Variants in PALM3 observed in about 807,000 individuals in gnomAD.
The protein encoded by PALM3 is paralemmin-3.
Under a neutral mutation model 27.9 loss-of-function variants are expected in PALM3, and 20 were observed. That is an observed-to-expected ratio of 0.72 (90% CI 0.50 to 1.04). The LOEUF (loss-of-function observed/expected upper bound fraction) is 1.04. Ranked by LOEUF, PALM3 falls within the 50% of genes least tolerant of loss-of-function variation. PALM3 has a pLI of 0.00. For synonymous variants in PALM3, 328 were observed against 352.7 expected (o/e 0.93, Z 0.79); for missense variants, 814 against 869.4 (o/e 0.94, Z 0.80).
intron 1 of PALM3, among the ~76,000 whole-genome samples, chr19:14,060,849 T>C (rs1976402898): frequency 6.6e-6 from 1 of 152,034 alleles, no homozygotes; most frequent in East Asian, 1.9e-4. Context: ...CAACCCCCGC[T>C]TCCTGGGTTC....
rs1333002476 is a variant in PALM3 at position 14,060,153 on chromosome 19, C to T, written c.42-990G>A. ...TGCCTGTCATCTCCACCGGCATGGA[C>T]GGGCGCTGATCAAACCCTCAAACAT... On this transcript the variant is annotated intron_variant, in intron 1 of 6. Transcript: ENST00000669674. Among the ~76,000 whole-genome samples the T allele has an allele frequency of 2.6e-5, 4 of 152,072 alleles. No homozygotes were observed. In the East Asian group the frequency reaches 5.8e-4, roughly 22 times the overall value.
intron 3 of PALM3, 113 bp downstream of exon 3, chr19:14,057,238 C>T: frequency 1.6e-6 from 1 of 641,600 alleles, no homozygotes; most frequent in Non-Finnish European, 2.3e-6. Flanking sequence ...CCCCCAACTG[C>T]CCGCTCCCCC....
chr19:14,054,413 C>T lies in PALM3; in HGVS notation c.1259G>A (p.Gly420Glu). 1.9e-6 allele frequency: 3 copies of T among 1,551,926 alleles called. No homozygotes were observed. The African/African-American group carries it at 4.1e-5, about 21-fold the overall frequency. Residue 420 changes from glycine (G) to glutamate (E), a missense_variant, in exon 7 of 7, where the codon GGA becomes GAA. Physicochemically the swap from Gly to Glu is moderately conservative, Grantham distance 98. Coordinates refer to ENST00000669674, the MANE Select transcript of PALM3 (RefSeq NM_001145028.2). ...CCCTGTCCCTGGCTTTTCCTCACTTCCTATTCCCATGGATTCTTCCGCTTT... is the reference window on the plus strand; with the variant it reads ...CCCTGTCCCTGGCTTTTCCTCACTTTCTATTCCCATGGATTCTTCCGCTTT... ...KRKAEESMGI[G>E]SEEKPGTGRD...
Position 14,059,252 on chromosome 19 carries a change from C to T in PALM3, c.42-89G>A, listed in dbSNP as rs901390402. The T allele has an allele frequency of 3.2e-6, 4 of 1,253,274 alleles. No homozygotes were observed. The South Asian group carries it at 6.9e-5, about 22-fold the overall frequency. The allele number at this position is 1,253,274 out of a possible 1,614,324, so 77.6% of individuals were successfully genotyped here. On this transcript the variant is annotated intron_variant, in intron 1 of 6. Coordinates refer to ENST00000669674, the MANE Select transcript of PALM3 (RefSeq NM_001145028.2). ...TCCCTGAGCAGTATGGAAATTGCCC[C>T]GAGCCCAGCACTTTGCCTCTGTTTC... is the stretch of plus-strand genomic sequence containing the variant.
At position 14,054,785 on chromosome 19, in the gene PALM3, A is replaced by T; in HGVS notation, c.887T>A (p.Val296Glu). 1 of 1,470,230 alleles carries T rather than the reference A, an allele frequency of 6.8e-7. No homozygotes were observed. The allele number at this position is 1,470,230 out of a possible 1,614,324, so 91.1% of individuals were successfully genotyped here. Reference sequence around the variant, plus strand: ...CATGGCCTCTGCATCACTGCCACCCACCCCCTCCCAGACCACCTCCACGAT... The same window carrying T: ...CATGGCCTCTGCATCACTGCCACCCTCCCCCTCCCAGACCACCTCCACGAT... Reference protein sequence around the residue: ...RGIVEVVWEGVGGSDAEAMGE... With the variant: ...RGIVEVVWEGEGGSDAEAMGE... The change falls in exon 7 of 7, where the codon GTG (valine) becomes GAG (glutamate). Residue 296 changes from valine to glutamate, a missense_variant. Physicochemically the swap from Val to Glu is moderately radical, Grantham distance 121. Transcript: ENST00000669674.
Position 14,053,797 on chromosome 19 carries a change from T to C in PALM3, c.1875A>G (p.Ala625=), listed in dbSNP as rs1385053681. Residue 625 remains alanine, a synonymous_variant, in exon 7 of 7, where the codon GCA becomes GCG. Transcript: ENST00000669674. ...CGGGCTGCTCTGGGGCTGGGGTCTCTGCCAGAAGAGGTGTGGCATCCCCCA... is the reference window on the plus strand; with the variant it reads ...CGGGCTGCTCTGGGGCTGGGGTCTCCGCCAGAAGAGGTGTGGCATCCCCCA... The part of the protein sequence containing the change: ...GPLGDATPLL[A]ETPAPEQPAE... The C allele has an allele frequency of 6.5e-7, 1 of 1,545,538 alleles. No individual in the cohort carries two copies. The highest frequency in any genetic ancestry group is 2.0e-5 in the Admixed American group (1 of 50,138).
chr19:14,055,282 GA>G, intron 6 of PALM3, 56 bp from the exon 7 acceptor site: 1 of 1,526,916 alleles, frequency 6.5e-7, no homozygotes, highest in Admixed American at 2.0e-5. Context: ...GGTTAAGATG[GA>G]ACAAAAGGAC....
chr19:14,058,131 G>A (rs1568508997), intron 2 of PALM3, among the ~76,000 whole-genome samples: 1 of 151,974 alleles, frequency 6.6e-6, no homozygotes, highest in African/African-American at 2.4e-5. Context: ...AGGAGGGGAG[G>A]GTGCTAGTGA....
chr19:14,060,819 G>T (rs1007730629), intron 1 of PALM3, among the ~76,000 whole-genome samples: 5 of 152,082 alleles, frequency 3.3e-5, no homozygotes, highest in Admixed American at 2.6e-4. Context: ...GGAGTGCAAT[G>T]GCTCAATCTC....
At position 14,054,067 on chromosome 19, in the gene PALM3, C is replaced by T. The variant is rs776388121; in HGVS notation, c.1605G>A (p.Arg535=). 1.3e-5 allele frequency: 20 copies of T among 1,551,694 alleles called. No individual in the cohort carries two copies. Among genetic ancestry groups the T allele is most frequent in the Non-Finnish European group, 1.7e-5 (19 of 1,146,960 alleles). ...GGEETLEAEK[R]GGEESLETEK... is the part of the protein sequence containing the mutation. ...CTGTCTCCAATGATTCCTCACCTCC[C>T]CTTTTCTCTGCCTCCAGTGTCTCCT... The change falls in exon 7 of 7, where the codon AGG becomes AGA. Residue 535 remains arginine, a synonymous_variant. Coordinates refer to ENST00000669674, the MANE Select transcript of PALM3 (RefSeq NM_001145028.2).
At chr19:14,055,340 G>A in intron 6 of PALM3, 40 bp downstream of exon 6, 1 of 1,542,592 alleles carries the variant, frequency 6.5e-7, no homozygotes, top group Non-Finnish European at 8.7e-7. Context: ...CCAGGCTCTG[G>A]GGTGACCTGA....
chr19:14,058,318 T>A (rs1298975601), intron 2 of PALM3, among the ~76,000 whole-genome samples: 1 of 133,344 alleles, frequency 7.5e-6, no homozygotes, highest in Non-Finnish European at 1.6e-5. Context: ...AGAAGTTGAG[T>A]GCGAAGAGAT....
chr19:14,058,968 G>A, intron 2 of PALM3, 147 bp downstream of exon 2: 1 of 636,530 alleles, frequency 1.6e-6, no homozygotes, highest in African/African-American at 1.9e-5. Flanking sequence ...ACAGGAACTG[G>A]GGGGCAGAGG....
In PALM3 at chr19:14,054,785, A is replaced by AC; in HGVS notation, c.886dup (p.Val296GlyfsTer5). The AC allele has an allele frequency of 6.8e-7, 1 of 1,470,232 alleles. No homozygotes were observed. 91.1% of individuals were successfully genotyped at this position (1,470,232 alleles called of 1,614,324 possible). ...CATGGCCTCTGCATCACTGCCACCC[A>AC]CCCCCTCCCAGACCACCTCCACGAT... On this transcript the variant is annotated frameshift_variant, in exon 7 of 7. Coordinates refer to ENST00000669674, the MANE Select transcript of PALM3 (RefSeq NM_001145028.2). LOFTEE classifies it low-confidence loss of function (END_TRUNC).
Position 14,053,537 on chromosome 19 carries a change from C to T in PALM3, c.*68G>A. 1 of 1,424,722 alleles carries T rather than the reference C, an allele frequency of 7.0e-7. No individual in the cohort carries two copies. The highest frequency in any genetic ancestry group is 9.2e-7 in the Non-Finnish European group (1 of 1,087,290). 88.3% of individuals were successfully genotyped at this position (1,424,722 alleles called of 1,614,324 possible). On this transcript the variant is annotated 3_prime_UTR_variant, in exon 7 of 7. Coordinates refer to ENST00000669674, the MANE Select transcript of PALM3 (RefSeq NM_001145028.2). ...GTGGTCCCTGTCTGTGCCTGGGACC[C>T]TCTTCTGGGTGCCAAGAGGCCGAGG...
At position 14,054,819 on chromosome 19, in the gene PALM3, C is replaced by T; in HGVS notation, c.853G>A (p.Asp285Asn). 1.3e-6 allele frequency: 2 copies of T among 1,549,140 alleles called. No homozygotes were observed. The highest frequency in any genetic ancestry group is 1.7e-6 in the Non-Finnish European group (2 of 1,145,854). Reference protein sequence around the residue: ...SLELPAWVKEDRGIVEVVWEG... With the variant: ...SLELPAWVKENRGIVEVVWEG... ...CAGACCACCTCCACGATGCCCCTGT[C>T]CTCCTTCACCCAGGCCGGGAGCTCC... is the stretch of plus-strand genomic sequence containing the variant. The change falls in exon 7 of 7, where the codon GAC (aspartate) becomes AAC (asparagine). Residue 285 changes from aspartate (D) to asparagine (N), a missense_variant. By Grantham distance (23) the Asp-to-Asn change is conservative. Coordinates refer to ENST00000669674, the MANE Select transcript of PALM3 (RefSeq NM_001145028.2).
Position 14,053,841 on chromosome 19 carries a change from C to T in PALM3, c.1831G>A (p.Ala611Thr), listed in dbSNP as rs1411220672. The T allele has an allele frequency of 3.2e-6, 5 of 1,550,874 alleles. No homozygotes were observed. The African/African-American group carries it at 5.5e-5, about 17-fold the overall frequency. The change falls in exon 7 of 7, where the codon GCT becomes ACT. Residue 611 changes from alanine (A) to threonine (T), a missense_variant. By Grantham distance (58) the Ala-to-Thr change is moderately conservative (BLOSUM62 0). Transcript: ENST00000669674. ...EEEGVKPQTA[A>T]EGQGPLGDAT... ...TCCCCCAAGGGGCCTTGGCCCTCAG[C>T]AGCGGTTTGGGGCTTCACTCCTTCC...
At position 14,054,144 on chromosome 19, in the gene PALM3, C is replaced by T; in HGVS notation, c.1528G>A (p.Glu510Lys). The T allele has an allele frequency of 1.3e-6, 2 of 1,551,680 alleles. No individual in the cohort carries two copies. The highest frequency in any genetic ancestry group is 1.7e-6 in the Non-Finnish European group (2 of 1,146,972). Residue 510 changes from glutamate (E) to lysine (K), a missense_variant, in exon 7 of 7, where the codon GAA becomes AAA. Physicochemically the swap from Glu to Lys is moderately conservative, Grantham distance 56 (BLOSUM62 1). Coordinates refer to ENST00000669674, the MANE Select transcript of PALM3 (RefSeq NM_001145028.2). The part of the protein sequence containing the change: ...PLGVEKKGGE[E>K]EPEATKEPLE... ...GGTTCTTTGGTTGCCTCTGGCTCTT[C>T]CTCACCTCCTTTCTTCTCTACTCCC...
intron 1 of PALM3, among the ~76,000 whole-genome samples, chr19:14,060,404 C>T (rs1397219673): frequency 6.6e-6 from 1 of 152,114 alleles, no homozygotes; most frequent in East Asian, 1.9e-4. Flanking sequence ...TCTATCATGA[C>T]ACAGTGGAGT....
Sources: gnomAD v4.1 joint callset for allele counts (sites outside exome capture counted in the v4.1 genomes callset) on GRCh38, gnomAD v4.1.1 for gene constraint, MANE v1.5 for transcripts, NCBI Gene and HGNC (gene_info 2026-07-23, HGNC 2026-07-21) for gene names.